The following PRTG variants were observed in gnomAD, a reference collection of about 807,000 sequenced individuals.
The protein encoded by PRTG is immunoglobulin superfamily, DCC subclass, member 5.
PRTG carries 67 observed loss-of-function variants against 122.5 expected under a neutral mutation model. The observed-to-expected ratio is 0.55, with a 90% CI of 0.45 to 0.67. The LOEUF is 0.67. PRTG is among the 30% of genes least tolerant of loss of function. PRTG has a pLI of 0.00. For missense variants in PRTG, 1,435 were observed against 1,415.4 expected, an observed-to-expected ratio of 1.01 and a Z score of -0.22; for synonymous variants, 554 against 501.1, an observed-to-expected ratio of 1.11 and a Z score of -1.41.
intron 11 of PRTG, among the ~76,000 whole-genome samples, chr15:55,671,517 C>T (rs1788299270): frequency 6.6e-6 from 1 of 151,888 alleles, no homozygotes; most frequent in African/African-American, 2.4e-5. Flanking sequence ...TTTTTTGAGA[C>T]AGAATCTCGC....
intron 2 of PRTG, among the ~76,000 whole-genome samples, chr15:55,711,468 T>C (rs1254127463): frequency 6.6e-6 from 1 of 152,068 alleles, no homozygotes; most frequent in African/African-American, 2.4e-5. Flanking sequence ...GACCTTGACC[T>C]TGCCAGCAGA....
intron 16 of PRTG, 46 bp downstream of exon 16, chr15:55,628,776 C>T (rs372775058): frequency 3.9e-4 from 582 of 1,487,192 alleles, no homozygotes; most frequent in Non-Finnish European, 5.0e-4. Flanking sequence ...AGGAAGAACA[C>T]TTTTTTTCTT....
At chr15:55,644,920 G>A (rs2059312146) in intron 11 of PRTG, among the ~76,000 whole-genome samples, 1 of 152,136 alleles carries the variant, frequency 6.6e-6, no homozygotes, top group South Asian at 2.1e-4. Context: ...ATGTTGTCCT[G>A]TGAACCATTT....
intron 2 of PRTG, among the ~76,000 whole-genome samples, chr15:55,718,694 C>A (rs1306445286): frequency 6.6e-6 from 1 of 151,192 alleles, no homozygotes; most frequent in African/African-American, 2.4e-5. Flanking sequence ...TTGAGTTTCT[C>A]CAGTATTATG....
At position 55,679,312 on chromosome 15, in the gene PRTG, C is replaced by T. The variant is rs752934567; in HGVS notation, c.1107G>A (p.Ser369=). 5.0e-5 allele frequency: 81 copies of T among 1,612,106 alleles called. No individual in the cohort carries two copies. Among genetic ancestry groups the T allele is most frequent in the Non-Finnish European group, 6.0e-5 (71 of 1,178,522 alleles). ...SWLKNGRKIH[S]NGRIKMYNSK... ...TGTTGTACATTTTAATTCTACCATT[C>T]GAATGTATCTTCCTTCCATTTTTCA... Residue 369 remains serine (S), a synonymous_variant, in exon 7 of 20, where the codon TCG becomes TCA. Transcript: ENST00000389286.
intron 15 of PRTG, among the ~76,000 whole-genome samples, chr15:55,635,476 C>G (rs569312074): frequency 1.3e-5 from 2 of 152,278 alleles, no homozygotes; most frequent in South Asian, 4.1e-4. Flanking sequence ...AACTGCCAAG[C>G]TGATTTCAGT....
chr15:55,738,525 C>G, intron 2 of PRTG: 1 of 701,356 alleles, frequency 1.4e-6, no homozygotes, highest in Non-Finnish European at 2.6e-6. Flanking sequence ...AGTTACAGTT[C>G]CTGAAGATGA....
chr15:55,717,942 G>A (rs549398637), intron 2 of PRTG, among the ~76,000 whole-genome samples: 3 of 152,212 alleles, frequency 2.0e-5, no homozygotes, highest in South Asian at 2.1e-4. Context: ...GACTTGGATC[G>A]GGGGACCTCC....
chr15:55,652,098 A>G (rs2059356029), intron 11 of PRTG, among the ~76,000 whole-genome samples: 1 of 152,208 alleles, frequency 6.6e-6, no homozygotes, highest in African/African-American at 2.4e-5. Flanking sequence ...ACTATGTACA[A>G]CTTTAAATTG....
intron 11 of PRTG, among the ~76,000 whole-genome samples, chr15:55,642,795 T>C (rs1453342467): frequency 6.6e-6 from 1 of 152,032 alleles, no homozygotes; most frequent in East Asian, 1.9e-4. Context: ...CATTTAAAAA[T>C]CTAAAAATAG....
At chr15:55,673,804 G>A (rs2059487210) in intron 9 of PRTG, 128 bp from the exon 10 acceptor site, 1 of 702,784 alleles carries the variant, frequency 1.4e-6, no homozygotes, top group Non-Finnish European at 2.4e-6. Context: ...CCTAGCAGAG[G>A]TTTTCAGTGA....
chr15:55,672,390 C>A, intron 11 of PRTG, 55 bp downstream of exon 11: 1 of 1,402,304 alleles, frequency 7.1e-7, no homozygotes, highest in South Asian at 1.3e-5. Flanking sequence ...TAACTTTTTT[C>A]GCAGTTTGTC....
chr15:55,704,999 A>G (rs1003003508), intron 2 of PRTG, among the ~76,000 whole-genome samples: 1 of 152,250 alleles, frequency 6.6e-6, no homozygotes, highest in African/African-American at 2.4e-5. Context: ...AGAAGAGAGA[A>G]TTAACCTACT....
chr15:55,639,888 T>C, intron 12 of PRTG, 60 bp from the exon 13 acceptor site: 1 of 1,575,932 alleles, frequency 6.3e-7, no homozygotes, highest in South Asian at 1.2e-5. Flanking sequence ...TAGAAAGTGG[T>C]AAAATGGTAA....
intron 12 of PRTG, 76 bp downstream of exon 12, chr15:55,641,037 A>T: frequency 1.0e-6 from 1 of 970,542 alleles, no homozygotes; most frequent in Non-Finnish European, 1.7e-6. Flanking sequence ...TAGTAGTGAG[A>T]CTGTAACTTA....
chr15:55,628,869 G>C lies in PRTG; in HGVS notation c.2759C>G (p.Ser920Cys), dbSNP rs1424889912. 6.2e-7 allele frequency: 1 copy of C among 1,613,966 alleles called. No homozygotes were observed. The change falls in exon 16 of 20, where the codon TCT (serine) becomes TGT (cysteine). Residue 920 changes from serine (S) to cysteine (C), a missense_variant. Ser to Cys is a moderately radical substitution (Grantham distance 112, BLOSUM62 -1). Transcript: ENST00000389286. ...ACGCTTGGGCCTCTGATTTGATTCA[G>C]AGGTTTCCTTTGGAAGTACTGCCAG... ...VELAVLPKET[S>C]ESNQRPKRLD... is the part of the protein sequence containing the mutation.
Position 55,740,656 on chromosome 15 carries a change from A to G in PRTG, c.123T>C (p.Phe41=). 6.2e-7 allele frequency: 1 copy of G among 1,613,664 alleles called. No homozygotes were observed. Among genetic ancestry groups the G allele is most frequent in the Non-Finnish European group, 8.5e-7 (1 of 1,179,822 alleles). The change falls in exon 2 of 20, where the codon TTT becomes TTC. Residue 41 remains phenylalanine, a synonymous_variant. Coordinates refer to ENST00000389286, the MANE Select transcript of PRTG (RefSeq NM_173814.6). ...CAGTTACATCCTGTGGTTCTTTTAC[A>G]AAAGACAGTTCGCTAAAGCACCACA... ...PGVWCFSELS[F]VKEPQDVTVT... is the part of the protein sequence containing the mutation.
chr15:55,626,823 A>C (rs1395713354), intron 17 of PRTG, among the ~76,000 whole-genome samples, 185 bp downstream of exon 17: 3 of 152,226 alleles, frequency 2.0e-5, no homozygotes, highest in Admixed American at 2.0e-4. Context: ...AAACAGCAAG[A>C]AAATAATCTC....
intron 11 of PRTG, among the ~76,000 whole-genome samples, chr15:55,651,286 AC>A (rs1156574688): frequency 6.6e-6 from 1 of 152,186 alleles, no homozygotes; most frequent in Non-Finnish European, 1.5e-5. Flanking sequence ...ATGAATACAT[AC>A]ATTCAACCTA....
Sources: allele counts gnomAD v4.1 joint callset (sites outside exome capture counted in the v4.1 genomes callset), GRCh38; gene constraint gnomAD v4.1.1; transcripts MANE v1.5; gene names NCBI Gene and HGNC (gene_info 2026-07-23, HGNC 2026-07-21).